Variants in CTNNAL1 observed in about 807,000 individuals in gnomAD.
CTNNAL1 encodes the protein catenin alpha like 1, also known as alpha-catulin.
Under a neutral mutation model 93.6 loss-of-function variants are expected in CTNNAL1, and 69 were observed. That is an observed-to-expected ratio of 0.74 (90% CI 0.61 to 0.90). The LOEUF (loss-of-function observed/expected upper bound fraction) is 0.90. Ranked by LOEUF, CTNNAL1 falls within the 40% of genes least tolerant of loss-of-function variation. CTNNAL1 has a pLI of 0.00. For synonymous variants in CTNNAL1, 286 were observed against 305.4 expected (o/e 0.94, Z 0.66); for missense variants, 836 against 862.0 (o/e 0.97, Z 0.38).
chr9:108,993,821 G>A (rs981719430), intron 2 of CTNNAL1, among the ~76,000 whole-genome samples: 1 of 152,142 alleles, frequency 6.6e-6, no homozygotes, highest in Admixed American at 6.5e-5. Flanking sequence ...AAGCCCTCCT[G>A]TCAATTCTAT....
intron 1 of CTNNAL1, among the ~76,000 whole-genome samples, chr9:109,007,132 G>A (rs1827052401): frequency 6.6e-6 from 1 of 152,120 alleles, no homozygotes; most frequent in Non-Finnish European, 1.5e-5. Context: ...CTACTTGGGA[G>A]GCAGAGGTGG....
chr9:108,988,870 T>C (rs1831696091), intron 4 of CTNNAL1, among the ~76,000 whole-genome samples: 1 of 152,212 alleles, frequency 6.6e-6, no homozygotes, highest in East Asian at 1.9e-4. Flanking sequence ...CTGAGAAAAC[T>C]GAGAATGCAC....
At chr9:108,950,117 C>A (rs961560414) in intron 14 of CTNNAL1, among the ~76,000 whole-genome samples, 1 of 151,722 alleles carries the variant, frequency 6.6e-6, no homozygotes, top group African/African-American at 2.4e-5. Flanking sequence ...ATAATATATT[C>A]CCCCAAGTCT....
intron 1 of CTNNAL1, among the ~76,000 whole-genome samples, chr9:109,010,298 A>G (rs1827170087): frequency 6.6e-6 from 1 of 152,208 alleles, no homozygotes; most frequent in South Asian, 2.1e-4. Context: ...ATTTACTTGT[A>G]GACTGTTTTG....
chr9:108,953,179 G>A (rs929145847), intron 12 of CTNNAL1, among the ~76,000 whole-genome samples: 2 of 152,188 alleles, frequency 1.3e-5, no homozygotes, highest in Non-Finnish European at 2.9e-5. Flanking sequence ...TCCCTAGAAG[G>A]GGAGAAAATA....
chr9:109,006,916 G>A (rs186508562), intron 1 of CTNNAL1, among the ~76,000 whole-genome samples: 27 of 150,700 alleles, frequency 1.8e-4, no homozygotes, highest in African/African-American at 6.0e-4. Flanking sequence ...TGTGAAAATG[G>A]AAATAATAAT....
intron 2 of CTNNAL1, among the ~76,000 whole-genome samples, chr9:108,997,538 A>G (rs1832068257): frequency 6.6e-6 from 1 of 152,226 alleles, no homozygotes; most frequent in Non-Finnish European, 1.5e-5. Flanking sequence ...GTATGGAATA[A>G]TAGTTGAAAT....
Position 108,970,478 on chromosome 9 carries a change from C to T in CTNNAL1, c.1364G>A (p.Arg455Gln), listed in dbSNP as rs1831081434. The change falls in exon 10 of 19, where the codon CGA (arginine) becomes CAA (glutamine). Residue 455 changes from arginine to glutamine, a missense_variant. Transcript: ENST00000325551. ...CAGAGGTTCTGTCCCAGATATGTGT[C>T]GTAACAATCGACAGGTCTACAAGAC... is the stretch of plus-strand genomic sequence containing the variant. ...EQLVETCRLL[R>Q]HISGTEPLEI... is the part of the protein sequence containing the mutation. 1.1e-5 allele frequency: 17 copies of T among 1,610,940 alleles called. No homozygotes were observed. Among genetic ancestry groups the T allele is most frequent in the Middle Eastern group, 1.6e-4 (1 of 6,074 alleles).
At chr9:108,972,864 G>GGGGGGGGGGGCCCCCCCCCCCCCCCCC in intron 8 of CTNNAL1, 31 bp from the exon 9 acceptor site, 1 of 142,582 alleles carries the variant, frequency 7.0e-6, no homozygotes, top group East Asian at 2.2e-4. Flanking sequence ...GGGGGGGTGG[G>GGGGGGGGGGGCCCCCCCCCCCCCCCCC]AGGGTGGAGA....
intron 6 of CTNNAL1, among the ~76,000 whole-genome samples, chr9:108,979,965 C>T (rs1831381342): frequency 6.6e-6 from 1 of 152,182 alleles, no homozygotes; most frequent in Non-Finnish European, 1.5e-5. Flanking sequence ...CAAAGACTCT[C>T]CTAGTCACCT....
intron 2 of CTNNAL1, among the ~76,000 whole-genome samples, chr9:108,996,646 T>G (rs937089322): frequency 6.6e-6 from 1 of 152,192 alleles, no homozygotes; most frequent in Non-Finnish European, 1.5e-5. Flanking sequence ...GGACTCAGGT[T>G]GTCCTTTTGT....
intron 8 of CTNNAL1, among the ~76,000 whole-genome samples, chr9:108,974,399 A>G (rs1389879783): frequency 1.3e-5 from 2 of 152,166 alleles, no homozygotes. Flanking sequence ...TGTCAAGGGC[A>G]GCAGGCTTTT....
intron 2 of CTNNAL1, among the ~76,000 whole-genome samples, 160 bp downstream of exon 2, chr9:108,998,907 C>G (rs1832122236): frequency 6.6e-6 from 1 of 152,146 alleles, no homozygotes; most frequent in Non-Finnish European, 1.5e-5. Flanking sequence ...TTGATCCAAG[C>G]CAAGTGCAGT....
At chr9:108,973,304 G>C (rs1587963293) in intron 8 of CTNNAL1, among the ~76,000 whole-genome samples, 1 of 152,154 alleles carries the variant, frequency 6.6e-6, no homozygotes, top group Non-Finnish European at 1.5e-5. Flanking sequence ...AGAGTACTAA[G>C]AAAATTGGCA....
At chr9:108,972,864 G>GGGGGGGGGGGGGGGGGGCCCCCC in intron 8 of CTNNAL1, 31 bp from the exon 9 acceptor site, 2 of 142,580 alleles carry the variant, frequency 1.4e-5, no homozygotes, top group Non-Finnish European at 2.0e-5. Flanking sequence ...GGGGGGGTGG[G>GGGGGGGGGGGGGGGGGGCCCCCC]AGGGTGGAGA....
At chr9:108,987,969 T>C (rs910123194) in intron 4 of CTNNAL1, among the ~76,000 whole-genome samples, 6 of 152,238 alleles carry the variant, frequency 3.9e-5, no homozygotes, top group African/African-American at 1.4e-4. Context: ...TCATGTCATC[T>C]GCAAACAGGG....
At chr9:109,011,389 G>A (rs553418865) in intron 1 of CTNNAL1, among the ~76,000 whole-genome samples, 10 of 151,842 alleles carry the variant, frequency 6.6e-5, no homozygotes, top group African/African-American at 2.4e-4. Flanking sequence ...AAAAAAGGCA[G>A]GCATTCTTCC....
At chr9:108,981,033 G>T (rs1307758268) in intron 6 of CTNNAL1, among the ~76,000 whole-genome samples, 2 of 152,232 alleles carry the variant, frequency 1.3e-5, no homozygotes, top group African/African-American at 4.8e-5. Context: ...TGGACAGTGA[G>T]ACTGAGCCTA....
intron 11 of CTNNAL1, among the ~76,000 whole-genome samples, chr9:108,958,965 A>C (rs1408260509): frequency 2.6e-5 from 4 of 151,800 alleles, no homozygotes; most frequent in African/African-American, 9.7e-5. Flanking sequence ...AAAAAAAAAA[A>C]AAGAATAAAC....
Sources: allele counts gnomAD v4.1 joint callset (sites outside exome capture counted in the v4.1 genomes callset), GRCh38; gene constraint gnomAD v4.1.1; transcripts MANE v1.5; gene names NCBI Gene and HGNC (gene_info 2026-07-23, HGNC 2026-07-21).